The following PBK variants were observed in gnomAD, a reference collection of about 807,000 sequenced individuals.
PBK encodes the protein PDZ binding kinase, also known as lymphokine-activated killer T-cell-originated protein kinase.
A neutral mutation model predicts 33.5 loss-of-function variants in PBK; 22 were observed. The observed-to-expected ratio is 0.66, with a 90% CI of 0.47 to 0.94. The LOEUF (loss-of-function observed/expected upper bound fraction) is 0.94. Ranked by LOEUF, PBK falls within the 40% of genes least tolerant of loss-of-function variation. The pLI is 0.00. For synonymous variants in PBK, 129 were observed against 123.8 expected, an observed-to-expected ratio of 1.04 and a Z score of -0.28; for missense variants, 376 against 383.4, an observed-to-expected ratio of 0.98 and a Z score of 0.16.
In PBK at chr8:27,811,060, T is replaced by C; in HGVS notation, c.670A>G (p.Ile224Val). 6.2e-7 allele frequency: 1 copy of C among 1,613,044 alleles called. No individual in the cohort carries two copies. The highest frequency in any genetic ancestry group is 2.2e-5 in the East Asian group (1 of 44,882). Reference sequence around the variant, plus strand: ...GCAAATATGTCTGCCTTGTCAGTAATAACACCATTCTCCTCCACAGCTTCT... The same window carrying C: ...GCAAATATGTCTGCCTTGTCAGTAACAACACCATTCTCCTCCACAGCTTCT... ...PKEAVEENGV[I>V]TDKADIFAFG... is the part of the protein sequence containing the mutation. The change falls in exon 7 of 8, where the codon ATT (isoleucine) becomes GTT (valine). Residue 224 changes from isoleucine to valine, a missense_variant. Transcript: ENST00000301905.
At chr8:27,830,758 A>ATT (rs199529709) in intron 2 of PBK, among the ~76,000 whole-genome samples, 23,860 of 152,140 alleles carry the variant, frequency 0.16, 2,350 homozygotes, top group East Asian at 0.36. Context: ...GCTAATGGCA[A>ATT]AACAGTCCAG....
chr8:27,814,017 G>A (rs574479426), intron 6 of PBK, among the ~76,000 whole-genome samples: 16 of 152,114 alleles, frequency 1.1e-4, no homozygotes, highest in South Asian at 2.1e-4. Flanking sequence ...CATCAGGACC[G>A]ATAGGATGTC....
intron 2 of PBK, among the ~76,000 whole-genome samples, chr8:27,831,782 T>A (rs1014970006): frequency 6.6e-6 from 1 of 152,092 alleles, no homozygotes; most frequent in African/African-American, 2.4e-5. Context: ...GATGGACAAA[T>A]TCCTTAAAAA....
At chr8:27,825,105 G>A (rs1806000964) in intron 3 of PBK, among the ~76,000 whole-genome samples, 1 of 152,144 alleles carries the variant, frequency 6.6e-6, no homozygotes, top group African/African-American at 2.4e-5. Flanking sequence ...GCAGAAGAAA[G>A]TAACTGACTT....
chr8:27,823,253 A>G (rs1805965903), intron 3 of PBK, 48 bp from the exon 4 acceptor site: 1 of 1,211,084 alleles, frequency 8.3e-7, no homozygotes, highest in Non-Finnish European at 1.2e-6. Flanking sequence ...TAAAACCACA[A>G]TACTTTTTAA....
chr8:27,820,413 C>T (rs1469848331), intron 6 of PBK, 152 bp downstream of exon 6: 3 of 552,614 alleles, frequency 5.4e-6, no homozygotes, highest in Non-Finnish European at 9.4e-6. Context: ...GAGAAGACTG[C>T]AGGCTGACTG....
At chr8:27,818,086 C>T (rs939853179) in intron 6 of PBK, among the ~76,000 whole-genome samples, 7 of 152,178 alleles carry the variant, frequency 4.6e-5, no homozygotes, top group African/African-American at 1.7e-4. Flanking sequence ...GGCCATGTTC[C>T]ATATAGTGGC....
At position 27,811,070 on chromosome 8, in the gene PBK, C is replaced by G. The variant is rs17057901; in HGVS notation, c.660G>C (p.Glu220Asp). The part of the protein sequence containing the change: ...EPWKPKEAVE[E>D]NGVITDKADI... ...CTGCCTTGTCAGTAATAACACCATT[C>G]TCCTCCACAGCTTCTTTGGGTTTCC... Residue 220 changes from glutamate to aspartate, a missense_variant, in exon 7 of 8, where the codon GAG becomes GAC. Coordinates refer to ENST00000301905, the MANE Select transcript of PBK (RefSeq NM_018492.4). 3.7e-3 allele frequency: 5,934 copies of G among 1,613,190 alleles called. 201 individuals are homozygous for G. In the African/African-American group the frequency reaches 0.069, roughly 19 times the overall value.
chr8:27,818,465 T>A (rs1030614859), intron 6 of PBK, among the ~76,000 whole-genome samples: 3 of 152,214 alleles, frequency 2.0e-5, no homozygotes, highest in Non-Finnish European at 4.4e-5. Context: ...GAGAAACGTT[T>A]AACAGATAAT....
chr8:27,835,214 A>G (rs556567248), intron 1 of PBK, among the ~76,000 whole-genome samples: 1 of 152,272 alleles, frequency 6.6e-6, no homozygotes, highest in South Asian at 2.1e-4. Flanking sequence ...AGCTTTAACT[A>G]TTAATGACAA....
chr8:27,830,205 GAAAAAAAA>G (rs35191143), intron 2 of PBK, among the ~76,000 whole-genome samples: 8 of 92,936 alleles, frequency 8.6e-5, no homozygotes, highest in Middle Eastern at 6.7e-3. Flanking sequence ...TCTGTCTCAA[GAAAAAAAA>G]AAAAAAAAAA....
At chr8:27,837,398 T>C (rs903048550) in intron 1 of PBK, among the ~76,000 whole-genome samples, 1 of 152,136 alleles carries the variant, frequency 6.6e-6, no homozygotes, top group Admixed American at 6.5e-5. Flanking sequence ...ACAAAGTAGA[T>C]GTAGAAACTC....
At position 27,816,359 on chromosome 8, in the gene PBK, T is replaced by TATA. The variant is rs1563489324; in HGVS notation, c.595+4205_595+4206insTAT. ...CATCGAATACTATATATATATATATTTATTTATTTATTTATTTATTTTAAT... is the reference window on the plus strand; with the variant it reads ...CATCGAATACTATATATATATATATTATATATTTATTTATTTATTTATTTTAAT... On this transcript the variant is annotated intron_variant, in intron 6 of 7. Coordinates refer to ENST00000301905, the MANE Select transcript of PBK (RefSeq NM_018492.4). Among the ~76,000 whole-genome samples the TATA allele has an allele frequency of 8.5e-3, 1,073 of 126,648 alleles. 26 individuals are homozygous for TATA. The highest frequency in any genetic ancestry group is 0.031 in the African/African-American group (992 of 31,666). 83.1% of individuals were successfully genotyped at this position (126,648 alleles called of 152,430 possible).
chr8:27,834,723 G>A (rs1012709788), intron 1 of PBK, among the ~76,000 whole-genome samples: 34 of 151,958 alleles, frequency 2.2e-4, no homozygotes, highest in African/African-American at 5.8e-4. Context: ...GCGAAACCTC[G>A]TCTCTACTAA....
chr8:27,816,397 G>T (rs567837741), intron 6 of PBK, among the ~76,000 whole-genome samples: 87 of 130,966 alleles, frequency 6.6e-4, no homozygotes, highest in Admixed American at 1.0e-3. Context: ...ATTTTTTTTT[G>T]AGATGGAATC....
At position 27,810,069 on chromosome 8, in the gene PBK, T is replaced by A. The variant is rs1805640004; in HGVS notation, c.*236A>T. 6.2e-6 allele frequency: 3 copies of A among 486,326 alleles called. No homozygotes were observed. The highest frequency in any genetic ancestry group is 7.9e-5 in the Admixed American group (2 of 25,416). 30.1% of individuals were successfully genotyped at this position (486,326 alleles called of 1,614,324 possible). A position where few individuals can be genotyped will look rare whatever the true frequency, so the allele number is the denominator to read the frequency against. Reference sequence around the variant, plus strand: ...TAGTGTTTTAAGTCAGCATGAGCAGTATCAAAGTACTTATGTAGCTAGTTT... The same window carrying A: ...TAGTGTTTTAAGTCAGCATGAGCAGAATCAAAGTACTTATGTAGCTAGTTT... On this transcript the variant is annotated 3_prime_UTR_variant, in exon 8 of 8. Coordinates refer to ENST00000301905, the MANE Select transcript of PBK (RefSeq NM_018492.4).
chr8:27,820,823 AAT>A, intron 5 of PBK, 129 bp from the exon 6 acceptor site: 1 of 450,488 alleles, frequency 2.2e-6, no homozygotes, highest in Non-Finnish European at 3.5e-6. Flanking sequence ...AGCGTTTCAA[AAT>A]TTTTTTTTTT....
At chr8:27,836,434 G>C (rs1806229388) in intron 1 of PBK, among the ~76,000 whole-genome samples, 1 of 151,504 alleles carries the variant, frequency 6.6e-6, no homozygotes, top group Non-Finnish European at 1.5e-5. Context: ...CAAATAGGTG[G>C]GTGGATACGG....
At chr8:27,812,839 T>C (rs1805720292) in intron 6 of PBK, among the ~76,000 whole-genome samples, 1 of 152,140 alleles carries the variant, frequency 6.6e-6, no homozygotes, top group Admixed American at 6.5e-5. Flanking sequence ...GGAGAGGATG[T>C]GGAGAAATAG....
Sources: allele counts gnomAD v4.1 joint callset (sites outside exome capture counted in the v4.1 genomes callset), GRCh38; gene constraint gnomAD v4.1.1; transcripts MANE v1.5; gene names NCBI Gene and HGNC (gene_info 2026-07-23, HGNC 2026-07-21).